Variants in SYNE1 observed in about 807,000 individuals in gnomAD.
SYNE1 encodes nesprin-1.
Under a neutral mutation model 1,111.0 loss-of-function variants are expected in SYNE1, and 616 were observed. The ratio of observed to expected loss-of-function variants is 0.55; its 90% CI spans 0.52 to 0.59. The LOEUF (loss-of-function observed/expected upper bound fraction) is 0.59, where lower values mean the gene tolerates loss of function less well. Among genes scored for constraint, SYNE1 ranks in the 20% least tolerant of loss-of-function variants. SYNE1 has a pLI of 0.00. For missense variants in SYNE1, 10,006 were observed against 10,417.0 expected (o/e 0.96, Z 1.72); for synonymous variants, 3,855 against 3,825.8 (o/e 1.01, Z -0.28).
intron 93 of SYNE1, among the ~76,000 whole-genome samples, chr6:152,295,451 T>G (rs1192224933): frequency 1.3e-5 from 2 of 152,186 alleles, no homozygotes; most frequent in Non-Finnish European, 2.9e-5. Context: ...CACCCTTGTA[T>G]GCTGTCATCG....
At chr6:152,598,642 A>G (rs1311130723) in intron 3 of SYNE1, among the ~76,000 whole-genome samples, 1 of 152,222 alleles carries the variant, frequency 6.6e-6, no homozygotes, top group Non-Finnish European at 1.5e-5. Context: ...GTTAAAAGAA[A>G]GTCTGCCATT....
chr6:152,411,557 G>C (rs1563811881), intron 42 of SYNE1, among the ~76,000 whole-genome samples: 1 of 152,086 alleles, frequency 6.6e-6, no homozygotes, highest in Non-Finnish European at 1.5e-5. Context: ...CGGCCAACTT[G>C]AATATTTAAA....
intron 63 of SYNE1, among the ~76,000 whole-genome samples, chr6:152,363,438 G>A (rs1176204031): frequency 1.3e-5 from 2 of 150,766 alleles, no homozygotes; most frequent in African/African-American, 2.4e-5. Context: ...AGCTCGCAGT[G>A]AGCCGAGATC....
chr6:152,297,556 G>GC (rs1160927592), intron 93 of SYNE1, among the ~76,000 whole-genome samples: 3 of 152,088 alleles, frequency 2.0e-5, no homozygotes, highest in Admixed American at 6.5e-5. Context: ...TAACAGGCAG[G>GC]CCTATATGTT....
chr6:152,562,312 A>G (rs2099397606), intron 3 of SYNE1, among the ~76,000 whole-genome samples: 2 of 152,172 alleles, frequency 1.3e-5, no homozygotes, highest in African/African-American at 4.8e-5. Flanking sequence ...CGACATCACA[A>G]AACATCAGGG....
intron 3 of SYNE1, among the ~76,000 whole-genome samples, chr6:152,595,637 T>A (rs956992808): frequency 1.3e-5 from 2 of 152,326 alleles, no homozygotes; most frequent in African/African-American, 2.4e-5. Context: ...AGAAACTATA[T>A]ATTCTTTCCC....
intron 11 of SYNE1, 22 bp downstream of exon 11, chr6:152,498,720 T>C (rs1417070317): frequency 2.0e-6 from 3 of 1,526,468 alleles, no homozygotes; most frequent in Non-Finnish European, 2.7e-6. Context: ...AGGTCATCAA[T>C]GCAAGATTAC....
intron 131 of SYNE1, among the ~76,000 whole-genome samples, chr6:152,162,323 T>A (rs1045580918): frequency 6.6e-6 from 1 of 152,250 alleles, no homozygotes; most frequent in Admixed American, 6.5e-5. Context: ...TTATGTTGGA[T>A]GTCTGTCATC....
intron 100 of SYNE1, among the ~76,000 whole-genome samples, chr6:152,264,587 A>G (rs904872251): frequency 6.6e-6 from 1 of 152,040 alleles, no homozygotes; most frequent in Admixed American, 6.6e-5. Flanking sequence ...ACTTGAGCCC[A>G]GGAGTTTGAG....
At chr6:152,449,121 A>G (rs564317005) in intron 28 of SYNE1, among the ~76,000 whole-genome samples, 2 of 152,350 alleles carry the variant, frequency 1.3e-5, no homozygotes, top group African/African-American at 4.8e-5. Context: ...TTAATGTCAC[A>G]TAGAAAGGAT....
chr6:152,333,961 A>G (rs2096314249), intron 77 of SYNE1, 47 bp downstream of exon 77: 1 of 1,613,526 alleles, frequency 6.2e-7, no homozygotes, highest in African/African-American at 1.3e-5. Context: ...GATATTAAGA[A>G]ATGTCTGGCT....
chr6:152,155,678 C>T (rs563510708), intron 132 of SYNE1, among the ~76,000 whole-genome samples: 7 of 152,152 alleles, frequency 4.6e-5, no homozygotes, highest in African/African-American at 1.4e-4. Flanking sequence ...TTTATGTTTC[C>T]GTATTATATT....
intron 4 of SYNE1, among the ~76,000 whole-genome samples, chr6:152,537,530 C>G (rs2099249354): frequency 6.6e-6 from 1 of 151,988 alleles, no homozygotes; most frequent in South Asian, 2.1e-4. Context: ...CATACTATCT[C>G]TTCTTATTGC....
intron 17 of SYNE1, 75 bp downstream of exon 17, chr6:152,465,906 TC>T: frequency 9.4e-7 from 1 of 1,060,500 alleles, no homozygotes; most frequent in Non-Finnish European, 1.5e-6. Context: ...GAAAGAATGA[TC>T]TGATCAGATA....
intron 104 of SYNE1, 68 bp downstream of exon 104, chr6:152,254,812 G>T: frequency 7.1e-7 from 1 of 1,399,728 alleles, no homozygotes; most frequent in South Asian, 1.2e-5. Context: ...CTGTAACACA[G>T]ACTCGTGACT....
At chr6:152,311,775 A>ATTTTT (rs762825816) in intron 87 of SYNE1, among the ~76,000 whole-genome samples, 7 of 139,318 alleles carry the variant, frequency 5.0e-5, no homozygotes, top group East Asian at 2.1e-4. Flanking sequence ...GCAATAGACT[A>ATTTTT]TTTATTTATT....
rs11319149 is a variant in SYNE1, at chr6:152,373,285, CTT to C, written c.9325-68_9325-67del. 1,186 of 1,151,388 alleles carry C rather than the reference CTT, an allele frequency of 1.0e-3. 3 individuals carry two copies. Among genetic ancestry groups the C allele is most frequent in the African/African-American group, 9.3e-3 (580 of 62,170 alleles). 71.3% of individuals were successfully genotyped at this position (1,151,388 alleles called of 1,614,324 possible). A position where few individuals can be genotyped will look rare whatever the true frequency, so the allele number is the denominator to read the frequency against. ...GTGTGTTGTTTCTATTTTTTCTTTT[CTT>C]TTTTTTTTTTGAGATGGAGTCTCAC... On this transcript the variant is annotated intron_variant, in intron 58 of 145. Coordinates refer to ENST00000367255, the MANE Select transcript of SYNE1 (RefSeq NM_182961.4).
Position 152,180,251 on chromosome 6 carries a change from C to CA in SYNE1, c.23344dup (p.Trp7782LeufsTer6). The CA allele has an allele frequency of 6.2e-7, 1 of 1,614,066 alleles. No individual in the cohort carries two copies. The highest frequency in any genetic ancestry group is 8.5e-7 in the Non-Finnish European group (1 of 1,180,000). ...CTTGTTCTTTTCACTGAAGACTGCC[C>CA]ATTCATTCAATCTTTCACCTATTTG... On this transcript the variant is annotated frameshift_variant, in exon 129 of 146. Coordinates refer to ENST00000367255, the MANE Select transcript of SYNE1 (RefSeq NM_182961.4). LOFTEE classifies it high-confidence loss of function.
chr6:152,376,443 C>T lies in SYNE1; in HGVS notation c.9262G>A (p.Ala3088Thr), dbSNP rs398123005. Residue 3088 changes from alanine to threonine, a missense_variant, in exon 58 of 146, where the codon GCC becomes ACC. This residue lies in a region of SYNE1 where 4,955 missense variants were observed against 5,017.2 expected (regional missense o/e 0.99). Transcript: ENST00000367255. ...TTTTGAGGTATATCAAAACACTTGG[C>T]GGTAGTGATTTTTGCATTAACCAAC... ...QWLVNAKITT[A>T]KCFDIPQNIS... 212 of 1,614,012 alleles carry T rather than the reference C, an allele frequency of 1.3e-4. No homozygotes were observed. Among genetic ancestry groups the T allele is most frequent in the Middle Eastern group, 1.6e-4 (1 of 6,084 alleles).
Sources: allele counts gnomAD v4.1 joint callset (sites outside exome capture counted in the v4.1 genomes callset), GRCh38; gene constraint gnomAD v4.1.1; regional missense constraint gnomAD v4.1.1; transcripts MANE v1.5; gene names NCBI Gene and HGNC (gene_info 2026-07-23, HGNC 2026-07-21).